Variants in PCSK4 observed in about 807,000 individuals in gnomAD.
PCSK4 encodes testicular tissue protein Li 135.
Under a neutral mutation model 80.3 loss-of-function variants are expected in PCSK4, and 64 were observed. That is an observed-to-expected ratio of 0.80 (90% CI 0.65 to 0.98). The LOEUF (loss-of-function observed/expected upper bound fraction) is 0.98, where lower values mean the gene tolerates loss of function less well. Among genes scored for constraint, PCSK4 ranks in the 50% least tolerant of loss-of-function variants. The pLI, the probability that PCSK4 is intolerant of heterozygous loss-of-function variation, is 0.00. For synonymous variants in PCSK4, 561 were observed against 487.6 expected, an observed-to-expected ratio of 1.15 and a Z score of -1.98; for missense variants, 1,213 against 1,093.6, an observed-to-expected ratio of 1.11 and a Z score of -1.54.
exon 15 of PCSK4, chr19:1,482,097 GCGC>G (rs1406723636): frequency 1.4e-5 from 22 of 1,550,044 alleles, no homozygotes; most frequent in Middle Eastern, 1.9e-4. Context: ...CTCAGCGCGG[GCGC>G]CGCCGTGTGC....
At chr19:1,483,846 C>T (rs928425549) in exon 10 of PCSK4, 1 of 1,493,276 alleles carries the variant, frequency 6.7e-7, no homozygotes, top group Non-Finnish European at 8.8e-7. Flanking sequence ...ACCTTGGCGC[C>T]CCACGCCGTT....
chr19:1,490,517 G>T (rs888885095), upstream of PCSK4: 2 of 513,882 alleles, frequency 3.9e-6, no homozygotes, highest in Admixed American at 3.8e-5. Flanking sequence ...AACAGAAGCG[G>T]GAGAGGGACG....
chr19:1,488,428 A>G, intron 2 of PCSK4, 148 bp from the exon 3 acceptor site: 2 of 632,672 alleles, frequency 3.2e-6, no homozygotes, highest in Non-Finnish European at 5.6e-6. Context: ...CTCTGTCTGC[A>G]GTCGGAAGGG....
chr19:1,483,129 CT>C (rs2084394084), intron 12 of PCSK4, 109 bp from the exon 13 acceptor site: 8 of 1,272,392 alleles, frequency 6.3e-6, no homozygotes, highest in Non-Finnish European at 8.5e-6. Context: ...CGCGTGTCCT[CT>C]GGGTGTGGGT....
chr19:1,485,740 G>A lies in PCSK4; in HGVS notation c.1068+1113C>T, dbSNP rs182414115. 2.3e-3 allele frequency among the ~76,000 whole-genome samples: 348 copies of A among 151,868 alleles called. 2 individuals carry two copies. In the East Asian group the frequency reaches 0.049, roughly 21 times the overall value. On this transcript the variant is annotated intron_variant, in intron 8 of 14. Transcript: ENST00000300954. The stretch of plus-strand genomic sequence containing the variant: ...CAAAAAATTAGCCGGGCATGGTGGC[G>A]GGCACCTGTAGTCCCAGCTACTCAG...
At chr19:1,490,459 C>T (rs916009918), upstream of PCSK4, 1 of 544,752 alleles carries the variant, frequency 1.8e-6, no homozygotes, top group Non-Finnish European at 3.2e-6. Flanking sequence ...AAGGCTTCGA[C>T]TCCCAGGGGG....
At chr19:1,487,670 C>T (rs1263743500) in exon 6 of PCSK4, 1 of 1,555,238 alleles carries the variant, frequency 6.4e-7, no homozygotes, top group Non-Finnish European at 8.7e-7. Context: ...CGGCCACCTC[C>T]CCAGCACAGC....
intron 9 of PCSK4, 37 bp from the exon 10 acceptor site, chr19:1,483,978 G>A: frequency 6.8e-7 from 1 of 1,464,110 alleles, no homozygotes; most frequent in Non-Finnish European, 9.1e-7. Flanking sequence ...TGAGCCGCCG[G>A]GCCGCGCCTG....
intron 6 of PCSK4, 41 bp downstream of exon 6, chr19:1,487,562 C>G (rs62128466): frequency 0.38 from 572,404 of 1,497,574 alleles, 110,682 homozygotes; most frequent in African/African-American, 0.43. Context: ...ACCCCCTTCC[C>G]TCTCTGTCCC....
chr19:1,483,363 G>A, exon 12 of PCSK4: 1 of 1,608,978 alleles, frequency 6.2e-7, no homozygotes. Flanking sequence ...CTGTAGGACA[G>A]CGTCAGCTGC....
Position 1,484,141 on chromosome 19 carries a change from G to T in PCSK4, c.1069-14C>A, listed in dbSNP as rs375670143. 14 of 1,484,492 alleles carry T rather than the reference G, an allele frequency of 9.4e-6. No homozygotes were observed. The highest frequency in any genetic ancestry group is 1.3e-5 in the Non-Finnish European group (14 of 1,090,772). 92.0% of individuals were successfully genotyped at this position (1,484,492 alleles called of 1,614,324 possible). A position where few individuals can be genotyped will look rare whatever the true frequency, so the allele number is the denominator to read the frequency against. ...GTCCGTGGTGACCTGAGGGCAGAGG[G>T]GGGTGGGACTCGGGGGGCCGTGCAC... On this transcript the variant is annotated splice_polypyrimidine_tract_variant and intron_variant, in intron 8 of 14. Coordinates refer to ENST00000300954, the Ensembl canonical transcript of PCSK4.
chr19:1,486,234 C>T (rs1356619444), intron 8 of PCSK4, among the ~76,000 whole-genome samples: 2 of 151,926 alleles, frequency 1.3e-5, no homozygotes, highest in African/African-American at 4.8e-5. Flanking sequence ...ACCTTGGTCT[C>T]CCAAAGTGCT....
chr19:1,482,002 C>A (rs534123160), exon 15 of PCSK4: 1 of 1,586,818 alleles, frequency 6.3e-7, no homozygotes, highest in South Asian at 1.1e-5. Context: ...GCTGGTCCAG[C>A]GTGGAGGATG....
exon 15 of PCSK4, chr19:1,481,660 T>C (rs2084299578): frequency 1.3e-6 from 1 of 779,968 alleles, no homozygotes; most frequent in Admixed American, 3.1e-5. Context: ...CGTCGGGTGC[T>C]GGTGCTCGCT....
chr19:1,482,068 A>T (rs2084320883), exon 15 of PCSK4: 1 of 1,554,998 alleles, frequency 6.4e-7, no homozygotes, highest in African/African-American at 1.4e-5. Context: ...AGCAGGAGGC[A>T]TGGCAGCTGG....
chr19:1,482,227 C>A lies in PCSK4; in HGVS notation c.1820-20G>T. The A allele has an allele frequency of 6.6e-7, 1 of 1,524,752 alleles. No homozygotes were observed. The highest frequency in any genetic ancestry group is 8.8e-7 in the Non-Finnish European group (1 of 1,140,892). The allele number at this position is 1,524,752 out of a possible 1,614,324, so 94.5% of individuals were successfully genotyped here. On this transcript the variant is annotated intron_variant, in intron 14 of 14. Coordinates refer to ENST00000300954, the Ensembl canonical transcript of PCSK4. Reference sequence around the variant, plus strand: ...CACACGCTGCTCGGGGACACGCACGCAAAGGCCCGTCAGCTTGCCACCCGC... The same window carrying A: ...CACACGCTGCTCGGGGACACGCACGAAAAGGCCCGTCAGCTTGCCACCCGC...
At position 1,483,050 on chromosome 19, in the gene PCSK4, G is replaced by A. The variant is rs189968113; in HGVS notation, c.1572-30C>T. 824 of 1,487,068 alleles carry A rather than the reference G, an allele frequency of 5.5e-4. 5 individuals are homozygous for A. In the African/African-American group the frequency reaches 0.01, roughly 18 times the overall value. The allele number at this position is 1,487,068 out of a possible 1,614,324, so 92.1% of individuals were successfully genotyped here. ...GACAGAAGGGTGGGTGGGGGTGGGG[G>A]TGTCAAGAGGGATGGCTTTGTGAAG... On this transcript the variant is annotated intron_variant, in intron 12 of 14. Coordinates refer to ENST00000300954, the Ensembl canonical transcript of PCSK4.
exon 3 of PCSK4, chr19:1,488,210 C>G (rs779641407): frequency 3.1e-6 from 5 of 1,613,584 alleles, no homozygotes; most frequent in South Asian, 1.1e-5. Context: ...CTTGGAGAAC[C>G]AGGGGTCCGT....
chr19:1,481,794 T>A lies in PCSK4; in HGVS notation c.2233A>T (p.Thr745Ser), dbSNP rs774211719. 5 of 1,513,692 alleles carry A rather than the reference T, an allele frequency of 3.3e-6. No homozygotes were observed. In the African/African-American group the frequency reaches 7.0e-5, roughly 21 times the overall value. 93.8% of individuals were successfully genotyped at this position (1,513,692 alleles called of 1,614,324 possible). A position where few individuals can be genotyped will look rare whatever the true frequency, so the allele number is the denominator to read the frequency against. Residue 745 changes from threonine (T) to serine (S), a missense_variant, in exon 15 of 15, where the codon ACC (threonine) becomes TCC (serine). Coordinates refer to ENST00000300954, the Ensembl canonical transcript of PCSK4. ...GCTGGCAGCCAGACCTGGGGTTTGG[T>A]GGGGGTGGCCCTGGCACGGGAGAGC... is the stretch of plus-strand genomic sequence containing the variant.
Sources: gnomAD v4.1 joint callset for allele counts (sites outside exome capture counted in the v4.1 genomes callset) on GRCh38, gnomAD v4.1.1 for gene constraint, MANE v1.5 for transcripts, NCBI Gene and HGNC (gene_info 2026-07-23, HGNC 2026-07-21) for gene names.